The following MED16 variants were observed in gnomAD, a reference collection of about 807,000 sequenced individuals.
MED16 encodes mediator complex subunit 16.
In MED16, 81 loss-of-function variants were observed where a neutral mutation model predicts 84.4. That is an observed-to-expected ratio of 0.96 (90% CI 0.80 to 1.15). The LOEUF is 1.15. Among genes scored for constraint, MED16 ranks in the 50% most tolerant of loss-of-function variants. The pLI is 0.00. For synonymous variants in MED16, 897 were observed against 552.2 expected (o/e 1.62, Z -8.76); for missense variants, 1,585 against 1,245.9 (o/e 1.27, Z -4.10).
intron 2 of MED16, among the ~76,000 whole-genome samples, 156 bp downstream of exon 2, chr19:890,807 G>A (rs1267308858): frequency 6.6e-6 from 1 of 152,216 alleles, no homozygotes; most frequent in African/African-American, 2.4e-5. Flanking sequence ...GTACCCCCAG[G>A]AGGCTGAGGC....
chr19:877,469 G>A (rs528727159), intron 8 of MED16, among the ~76,000 whole-genome samples: 14 of 149,642 alleles, frequency 9.4e-5, no homozygotes, highest in African/African-American at 3.4e-4. Context: ...CGTGAAAGGC[G>A]GTCCTCTCAA....
intron 6 of MED16, 51 bp downstream of exon 6, chr19:884,852 A>C (rs2036492969): frequency 2.1e-6 from 3 of 1,461,876 alleles, no homozygotes; most frequent in Admixed American, 3.9e-5. Flanking sequence ...AATAAAAACC[A>C]ACCGCCCCCG....
chr19:868,752 G>C, intron 14 of MED16, 111 bp downstream of exon 14: 1 of 1,235,016 alleles, frequency 8.1e-7, no homozygotes, highest in South Asian at 1.4e-5. Flanking sequence ...CCTCTGGGAC[G>C]TGCTCCCTCC....
chr19:885,786 C>A lies in MED16; in HGVS notation c.863G>T (p.Arg288Leu). 2 of 1,610,042 alleles carry A rather than the reference C, an allele frequency of 1.2e-6. No homozygotes were observed. The highest frequency in any genetic ancestry group is 1.1e-5 in the South Asian group (1 of 91,084). The change falls in exon 5 of 16, where the codon CGG becomes CTG. Residue 288 changes from arginine to leucine, a missense_variant. Transcript: ENST00000325464. Reference protein sequence around the residue: ...PAITHLKFLARDMSEQVLLCA... With the variant: ...PAITHLKFLALDMSEQVLLCA... The stretch of plus-strand genomic sequence containing the variant: ...CCCGTTCACCTGCTCCGACATGTCC[C>A]GGGCCAGGAACTTGAGGTGGGTGAT...
At chr19:880,564 G>A (rs1274270332) in intron 7 of MED16, among the ~76,000 whole-genome samples, 1 of 152,214 alleles carries the variant, frequency 6.6e-6, no homozygotes, top group Admixed American at 6.5e-5. Flanking sequence ...AGGGCCGGGG[G>A]GAGGTGGGGT....
At position 877,371 on chromosome 19, in the gene MED16, G is replaced by A. The variant is rs112590622; in HGVS notation, c.1354-191C>T. Among the ~76,000 whole-genome samples the A allele has an allele frequency of 7.2e-5, 11 of 152,276 alleles. No individual in the cohort carries two copies. In the South Asian group the frequency reaches 1.0e-3, roughly 14 times the overall value. On this transcript the variant is annotated intron_variant, in intron 8 of 15. Transcript: ENST00000325464. Reference sequence around the variant, plus strand: ...TCAGGGTCATGCACAATGCCTCTGGGAACAGGGAAGGAAACCTCCCTGAGC... The same window carrying A: ...TCAGGGTCATGCACAATGCCTCTGGAAACAGGGAAGGAAACCTCCCTGAGC...
Position 880,080 on chromosome 19 carries a change from C to T in MED16, c.1210G>A (p.Val404Ile), listed in dbSNP as rs144143613. Residue 404 changes from valine (V) to isoleucine (I), a missense_variant, in exon 8 of 16, where the codon GTC (valine) becomes ATC (isoleucine). Coordinates refer to ENST00000325464, the MANE Select transcript of MED16 (RefSeq NM_005481.3). ...CTCGGGGCCGCGGAGCTGTAGAAGA[C>T]GGCCATGGTCTGCAGTGAGAGCCGG... ...VHRLSLQTMA[V>I]FYSSAAPRPV... 1.6e-5 allele frequency: 26 copies of T among 1,610,754 alleles called. No homozygotes were observed. Among genetic ancestry groups the T allele is most frequent in the Middle Eastern group, 1.8e-4 (1 of 5,676 alleles).
In MED16 at chr19:871,735, G is replaced by A. The variant is rs530007508; in HGVS notation, c.2098+191C>T. On this transcript the variant is annotated intron_variant, in intron 12 of 15. Coordinates refer to ENST00000325464, the MANE Select transcript of MED16 (RefSeq NM_005481.3). Reference sequence around the variant, plus strand: ...GCTTATGTTCTGGCGGGGGGCTCAGGCAGGACTTGTGTTTTGGTAGGGAGA... The same window carrying A: ...GCTTATGTTCTGGCGGGGGGCTCAGACAGGACTTGTGTTTTGGTAGGGAGA... 1,924 of 983,456 alleles carry A rather than the reference G, an allele frequency of 2.0e-3. 49 individuals carry two copies. In the African/African-American group the frequency reaches 0.031, roughly 16 times the overall value. The allele number at this position is 983,456 out of a possible 1,614,324, so 60.9% of individuals were successfully genotyped here. A position where few individuals can be genotyped will look rare whatever the true frequency, so the allele number is the denominator to read the frequency against.
rs11878621 is a variant in MED16, at chr19:890,073, C to T, written c.277+64G>A. 5,016 of 1,297,576 alleles carry T rather than the reference C, an allele frequency of 3.9e-3. 137 individuals are homozygous for T. The African/African-American group carries it at 0.064, about 17-fold the overall frequency. The allele number at this position is 1,297,576 out of a possible 1,614,324, so 80.4% of individuals were successfully genotyped here. ...CCGGACTCCAGACTGACCGGAGAAA[C>T]ACAGGGCCCCCCTGCTCCGGGATCC... On this transcript the variant is annotated intron_variant, in intron 3 of 15. Transcript: ENST00000325464.
At chr19:871,646 T>G (rs372151569) in intron 12 of MED16, 166 of 1,588,790 alleles carry the variant, frequency 1.0e-4, no homozygotes, top group Non-Finnish European at 1.3e-4. Context: ...ACACAGAGCA[T>G]GGACCTGTGC....
chr19:884,021 C>T (rs2036474861), intron 6 of MED16, among the ~76,000 whole-genome samples: 1 of 152,134 alleles, frequency 6.6e-6, no homozygotes, highest in African/African-American at 2.4e-5. Context: ...TTGACATAAC[C>T]ACCTGCAGGC....
At position 877,191 on chromosome 19, in the gene MED16, C is replaced by CAGAGCCCAAGG. The variant is rs1437275508; in HGVS notation, c.1354-22_1354-12dup. On this transcript the variant is annotated splice_polypyrimidine_tract_variant and intron_variant, in intron 8 of 15. Transcript: ENST00000325464. ...GCGGAGCACGCTCAGCTGCCAGAGA[C>CAGAGCCCAAGG]AGAGCCCAAGGAGAGCCCGGTGAGA... 3 of 1,602,512 alleles carry CAGAGCCCAAGG rather than the reference C, an allele frequency of 1.9e-6. No homozygotes were observed. The highest frequency in any genetic ancestry group is 2.5e-6 in the Non-Finnish European group (3 of 1,176,534).
intron 6 of MED16, 90 bp downstream of exon 6, chr19:884,813 C>G (rs1348735807): frequency 5.8e-6 from 6 of 1,033,820 alleles, no homozygotes; most frequent in Non-Finnish European, 8.7e-6. Flanking sequence ...CAGGACCACC[C>G]TGGGTGACAC....
At chr19:881,185 C>T (rs1274136287) in intron 7 of MED16, among the ~76,000 whole-genome samples, 5 of 152,186 alleles carry the variant, frequency 3.3e-5, no homozygotes, top group Admixed American at 2.6e-4. Flanking sequence ...TGCAGACTCA[C>T]TCATGGGCAC....
intron 4 of MED16, among the ~76,000 whole-genome samples, chr19:886,549 T>C (rs1374360116): frequency 2.0e-5 from 3 of 152,230 alleles, no homozygotes; most frequent in Admixed American, 6.5e-5. Context: ...GACTTGGCTC[T>C]GGCTCTGCCG....
intron 6 of MED16, among the ~76,000 whole-genome samples, chr19:883,281 G>A (rs2036457387): frequency 1.3e-5 from 2 of 149,476 alleles, no homozygotes; most frequent in African/African-American, 5.0e-5. Context: ...GGGCATGGCG[G>A]GGACCGAAGC....
intron 4 of MED16, among the ~76,000 whole-genome samples, chr19:887,543 G>T (rs941704213): frequency 1.3e-5 from 2 of 151,676 alleles, no homozygotes; most frequent in Non-Finnish European, 2.9e-5. Flanking sequence ...GTGCGTGCCT[G>T]TAATTCCAGC....
chr19:868,379 G>T, intron 15 of MED16, 37 bp downstream of exon 15: 1 of 1,602,198 alleles, frequency 6.2e-7, no homozygotes. Context: ...GGGCTCAGGG[G>T]TAGCTGAGGG....
At chr19:884,497 C>T (rs963485549) in intron 6 of MED16, among the ~76,000 whole-genome samples, 3 of 152,098 alleles carry the variant, frequency 2.0e-5, no homozygotes, top group East Asian at 3.9e-4. Flanking sequence ...AACCAGGTTC[C>T]GGAGGATTCC....
Sources: gnomAD v4.1 joint callset for allele counts (sites outside exome capture counted in the v4.1 genomes callset) on GRCh38, gnomAD v4.1.1 for gene constraint, MANE v1.5 for transcripts, NCBI Gene and HGNC (gene_info 2026-07-23, HGNC 2026-07-21) for gene names.